The following TEX10 variants were observed in gnomAD, a reference collection of about 807,000 sequenced individuals.
TEX10 encodes testis expressed 10, also known as testis-expressed protein 10.
A neutral mutation model predicts 104.4 loss-of-function variants in TEX10; 24 were observed. That is an observed-to-expected ratio of 0.23 (90% CI 0.17 to 0.32). The LOEUF is 0.32. Among genes scored for constraint, TEX10 ranks in the 10% least tolerant of loss-of-function variants. The pLI, the probability that TEX10 is intolerant of heterozygous loss-of-function variation, is 1.00. For synonymous variants in TEX10, 396 were observed against 393.4 expected (o/e 1.01, Z -0.08); for missense variants, 921 against 1,083.9 (o/e 0.85, Z 2.11).
At chr9:100,310,430 A>C (rs1401790555) in intron 11 of TEX10, 51 bp from the exon 12 acceptor site, 1 of 1,497,850 alleles carries the variant, frequency 6.7e-7, no homozygotes, top group Admixed American at 1.8e-5. Context: ...TTTAGATCAG[A>C]AACAAGTTCA....
At chr9:100,332,830 A>C (rs1318818638) in intron 5 of TEX10, among the ~76,000 whole-genome samples, 2 of 151,922 alleles carry the variant, frequency 1.3e-5, no homozygotes, top group Non-Finnish European at 2.9e-5. Context: ...CAAAAAAAAA[A>C]AAATTGCTGA....
intron 1 of TEX10, among the ~76,000 whole-genome samples, chr9:100,351,380 C>CA (rs200782848): frequency 2.2e-4 from 16 of 72,738 alleles, no homozygotes; most frequent in Non-Finnish European, 3.8e-4. Context: ...CAAAACAAAA[C>CA]AAAAAAAAAA....
chr9:100,320,279 A>T lies in TEX10; in HGVS notation c.2188T>A (p.Trp730Arg). The change falls in exon 11 of 15, where the codon TGG becomes AGG. Residue 730 changes from tryptophan (W) to arginine (R), a missense_variant. Trp to Arg is a moderately radical substitution (Grantham distance 101). This residue lies in a region of TEX10 where 753 missense variants were observed against 868.4 expected (regional missense o/e 0.87). Transcript: ENST00000374902. ...TGAACTATTACCTCTGTTACATCCCAGTGGTGTAAAAATTGATCCAAATCT... is the reference window on the plus strand; with the variant it reads ...TGAACTATTACCTCTGTTACATCCCTGTGGTGTAAAAATTGATCCAAATCT... ...LTDLDQFLHH[W>R]DVTEAVFHSL... 6.2e-7 allele frequency: 1 copy of T among 1,611,372 alleles called. No homozygotes were observed.
intron 5 of TEX10, 86 bp downstream of exon 5, chr9:100,340,171 A>G: frequency 1.3e-6 from 1 of 745,742 alleles, no homozygotes; most frequent in South Asian, 3.0e-5. Flanking sequence ...GCAGTGTAGA[A>G]AGTTCCATAT....
intron 1 of TEX10, among the ~76,000 whole-genome samples, chr9:100,351,466 T>C (rs953079868): frequency 1.3e-5 from 2 of 152,046 alleles, no homozygotes; most frequent in Non-Finnish European, 2.9e-5. Flanking sequence ...CTGGCCTCTT[T>C]TAATACAAAA....
intron 5 of TEX10, among the ~76,000 whole-genome samples, chr9:100,334,871 G>A (rs1305222168): frequency 6.6e-6 from 1 of 152,082 alleles, no homozygotes; most frequent in Non-Finnish European, 1.5e-5. Flanking sequence ...CGCCACGTTG[G>A]CCAGGCCAGT....
At chr9:100,330,269 C>T in intron 5 of TEX10, 100 bp from the exon 6 acceptor site, 2 of 956,498 alleles carry the variant, frequency 2.1e-6, no homozygotes, top group South Asian at 1.6e-5. Context: ...TAAAAAATTC[C>T]CTTCTAGAAT....
rs956917722 is a variant in TEX10 at position 100,326,848 on chromosome 9, G to GTA, written c.1802-371_1802-370dup. Reference sequence around the variant, plus strand: ...AAGCAAAAGACTTTGTTTGCTGTGTGTATATATATATACCTACAGATATAT... The same window carrying GTA: ...AAGCAAAAGACTTTGTTTGCTGTGTGTATATATATATATACCTACAGATATAT... On this transcript the variant is annotated intron_variant, in intron 8 of 14. Coordinates refer to ENST00000374902, the MANE Select transcript of TEX10 (RefSeq NM_017746.4). 5.0e-4 allele frequency among the ~76,000 whole-genome samples: 76 copies of GTA among 151,830 alleles called. No homozygotes were observed. The Middle Eastern group carries it at 0.01, about 21-fold the overall frequency.
intron 6 of TEX10, 71 bp from the exon 7 acceptor site, chr9:100,329,346 G>A (rs1261785844): frequency 7.1e-6 from 11 of 1,547,070 alleles, no homozygotes; most frequent in Admixed American, 2.3e-5. Flanking sequence ...TCCTCTGAAT[G>A]CACCGAAGTA....
rs1834080836 is a variant in TEX10, at chr9:100,303,905, A to G, written c.2466-63T>C. On this transcript the variant is annotated intron_variant, in intron 13 of 14. Coordinates refer to ENST00000374902, the MANE Select transcript of TEX10 (RefSeq NM_017746.4). ...TGCCCACAGGAAAAGCCCCCCTTCT[A>G]TATTCCCCCAAAGTGAAATGTCCTT... 3 of 1,487,240 alleles carry G rather than the reference A, an allele frequency of 2.0e-6. No homozygotes were observed. In the South Asian group the frequency reaches 3.5e-5, roughly 17 times the overall value. The allele number at this position is 1,487,240 out of a possible 1,614,324, so 92.1% of individuals were successfully genotyped here.
chr9:100,333,416 A>C (rs1834921199), intron 5 of TEX10, among the ~76,000 whole-genome samples: 1 of 152,226 alleles, frequency 6.6e-6, no homozygotes, highest in Non-Finnish European at 1.5e-5. Flanking sequence ...AACACAATCC[A>C]AATCAAATTT....
At chr9:100,339,725 T>C (rs1009261776) in intron 5 of TEX10, among the ~76,000 whole-genome samples, 1 of 152,180 alleles carries the variant, frequency 6.6e-6, no homozygotes, top group African/African-American at 2.4e-5. Flanking sequence ...TGTTCTCACA[T>C]TTATCTGCTC....
intron 11 of TEX10, among the ~76,000 whole-genome samples, chr9:100,319,624 G>C (rs1269761715): frequency 6.6e-6 from 1 of 151,852 alleles, no homozygotes; most frequent in Non-Finnish European, 1.5e-5. Context: ...GGCCAACATA[G>C]TAAAACCCCG....
intron 5 of TEX10, among the ~76,000 whole-genome samples, chr9:100,334,261 G>GA (rs199704901): frequency 1.7e-4 from 25 of 146,266 alleles, no homozygotes; most frequent in East Asian, 1.2e-3. Flanking sequence ...ACTTTAGGGG[G>GA]AAAAAAAAAA....
chr9:100,302,562 T>C (rs1453697473), intron 14 of TEX10, among the ~76,000 whole-genome samples: 3 of 152,202 alleles, frequency 2.0e-5, no homozygotes, highest in Non-Finnish European at 4.4e-5. Context: ...TAGAGACTAA[T>C]GAAATTTCAC....
Position 100,320,302 on chromosome 9 carries a change from T to G in TEX10, c.2165A>C (p.Asp722Ala). Residue 722 changes from aspartate to alanine, a missense_variant, in exon 11 of 15, where the codon GAT becomes GCT. By Grantham distance (126) the Asp-to-Ala change is moderately radical. Transcript: ENST00000374902. ...QLSPVLLYLT[D>A]LDQFLHHWDV... is the part of the protein sequence containing the mutation. ...CCAGTGGTGTAAAAATTGATCCAAA[T>G]CTGTAAGGTAGAGAAGCACAGGGGA... 6.2e-7 allele frequency: 1 copy of G among 1,612,714 alleles called. No homozygotes were observed. The highest frequency in any genetic ancestry group is 8.5e-7 in the Non-Finnish European group (1 of 1,179,230).
chr9:100,303,903 C>T (rs1207701727), intron 13 of TEX10, 61 bp from the exon 14 acceptor site: 7 of 1,496,482 alleles, frequency 4.7e-6, no homozygotes, highest in Non-Finnish European at 6.5e-6. Context: ...AGCCCCCCTT[C>T]TATATTCCCC....
At position 100,302,197 on chromosome 9, in the gene TEX10, C is replaced by T. The variant is rs1833997688; in HGVS notation, c.2784G>A (p.Val928=). 3.8e-6 allele frequency: 6 copies of T among 1,598,042 alleles called. No homozygotes were observed. Among genetic ancestry groups the T allele is most frequent in the Non-Finnish European group, 4.3e-6 (5 of 1,170,378 alleles). The change falls in exon 15 of 15, where the codon GTG becomes GTA. Residue 928 remains valine (V), a synonymous_variant. Transcript: ENST00000374902. The part of the protein sequence containing the change: ...HPQGPSALAT[V]Y ...AGGAGGTACTATGGCCTCTTCAATA[C>T]ACTGTAGCCAGTGCACTGGGCCCTT...
intron 14 of TEX10, 81 bp from the exon 15 acceptor site, chr9:100,302,385 A>C: frequency 1.1e-6 from 1 of 935,712 alleles, no homozygotes; most frequent in Non-Finnish European, 1.6e-6. Context: ...ACCCAAACAC[A>C]ATTTCCCAGA....
Sources: allele counts gnomAD v4.1 joint callset (sites outside exome capture counted in the v4.1 genomes callset), GRCh38; gene constraint gnomAD v4.1.1; regional missense constraint gnomAD v4.1.1; transcripts MANE v1.5; gene names NCBI Gene and HGNC (gene_info 2026-07-23, HGNC 2026-07-21).